GRIA2: variants seen among roughly 807,000 people sequenced by gnomAD.
The protein encoded by GRIA2 is glutamate receptor 2.
Under a neutral mutation model 97.3 loss-of-function variants are expected in GRIA2, and 14 were observed. That is an observed-to-expected ratio of 0.14 (90% confidence interval 0.10 to 0.23). The LOEUF (loss-of-function observed/expected upper bound fraction) is 0.23, where lower values mean the gene tolerates loss of function less well. GRIA2 is among the 10% of genes least tolerant of loss of function. GRIA2 has a pLI of 1.00. For missense variants in GRIA2, 558 were observed against 1,069.8 expected (o/e 0.52, Z 6.67); for synonymous variants, 412 against 387.8 (o/e 1.06, Z -0.73).
intron 6 of GRIA2, among the ~76,000 whole-genome samples, chr4:157,322,810 A>G (rs1734634953): frequency 1.3e-5 from 2 of 152,182 alleles, no homozygotes; most frequent in South Asian, 2.1e-4. Flanking sequence ...TCACAGTTGT[A>G]CCTGAGTATG....
intron 2 of GRIA2, among the ~76,000 whole-genome samples, chr4:157,244,877 T>C (rs1395311668): frequency 6.6e-6 from 1 of 152,040 alleles, no homozygotes; most frequent in East Asian, 1.9e-4. Context: ...GAGGCCTTCC[T>C]GTAGCTATGT....
At chr4:157,224,463 C>T (rs929165068) in intron 2 of GRIA2, among the ~76,000 whole-genome samples, 1 of 151,992 alleles carries the variant, frequency 6.6e-6, no homozygotes, top group Non-Finnish European at 1.5e-5. Context: ...TTTGTGACTC[C>T]GTTTTTTTAT....
chr4:157,246,257 G>A (rs555732425), intron 2 of GRIA2, among the ~76,000 whole-genome samples: 205 of 152,114 alleles, frequency 1.3e-3, no homozygotes, highest in African/African-American at 4.7e-3. Context: ...TATTGGACAG[G>A]CTAGTTAATT....
intron 2 of GRIA2, among the ~76,000 whole-genome samples, chr4:157,263,621 G>C (rs1044801901): frequency 6.6e-6 from 1 of 151,956 alleles, no homozygotes; most frequent in Non-Finnish European, 1.5e-5. Flanking sequence ...TTAAAGGATC[G>C]TTTACAGGTG....
At chr4:157,305,025 A>G (rs1733780469) in intron 3 of GRIA2, among the ~76,000 whole-genome samples, 1 of 152,202 alleles carries the variant, frequency 6.6e-6, no homozygotes, top group South Asian at 2.1e-4. Context: ...TGCTATTCCC[A>G]TAGGGAATTA....
chr4:157,322,831 ATGT>A (rs1271064445), intron 6 of GRIA2, among the ~76,000 whole-genome samples: 1 of 152,124 alleles, frequency 6.6e-6, no homozygotes, highest in African/African-American at 2.4e-5. Flanking sequence ...CATCATAGAG[ATGT>A]TGTTTGATGC....
chr4:157,321,614 C>A lies in GRIA2; in HGVS notation c.882+15C>A. 1 of 1,581,886 alleles carries A rather than the reference C, an allele frequency of 6.3e-7. No individual in the cohort carries two copies. Among genetic ancestry groups the A allele is most frequent in the South Asian group, 1.1e-5 (1 of 87,070 alleles). On this transcript the variant is annotated intron_variant, in intron 6 of 15. Transcript: ENST00000264426. ...CAACAATTAAGGTTTGCTTTGGTTTCTGTCTTTTCTTTTTCTTTCATATGT... is the reference window on the plus strand; with the variant it reads ...CAACAATTAAGGTTTGCTTTGGTTTATGTCTTTTCTTTTTCTTTCATATGT...
At chr4:157,297,017 C>T (rs552798087) in intron 2 of GRIA2, among the ~76,000 whole-genome samples, 2 of 152,282 alleles carry the variant, frequency 1.3e-5, no homozygotes, top group South Asian at 2.1e-4. Flanking sequence ...AAATGCTATA[C>T]GTGCTCTTCT....
chr4:157,283,144 A>G (rs1247373274), intron 2 of GRIA2, among the ~76,000 whole-genome samples: 3 of 152,082 alleles, frequency 2.0e-5, no homozygotes, highest in African/African-American at 7.2e-5. Flanking sequence ...TTTTCCATAT[A>G]TAAAAGCTTT....
At position 157,361,137 on chromosome 4, in the gene GRIA2, G is replaced by A. The variant is rs1176537989; in HGVS notation, c.2406+13G>A. On this transcript the variant is annotated intron_variant, in intron 14 of 15. Transcript: ENST00000264426. The surrounding 1 kb of genome is among the most constrained non-coding windows in gnomAD (Gnocchi z 5.2). ...AGGTGATTCCAAGGTCAGCCCCAGT[G>A]AGAAAAGTAATGGGTAACTCAATGC... The A allele has an allele frequency of 1.3e-6, 2 of 1,570,986 alleles. No individual in the cohort carries two copies. Among genetic ancestry groups the A allele is most frequent in the South Asian group, 2.2e-5 (2 of 90,196 alleles).
rs554588273 is a variant in GRIA2, at chr4:157,228,563, C to T, written c.229+6756C>T. 2.5e-3 allele frequency among the ~76,000 whole-genome samples: 374 copies of T among 152,062 alleles called. 4 individuals are homozygous for T. The highest frequency in any genetic ancestry group is 8.4e-3 in the African/African-American group (348 of 41,490). On this transcript the variant is annotated intron_variant, in intron 2 of 15. Transcript: ENST00000264426. ...ATCCCAGCACTTTGGGTGGCCGAGG[C>T]GGGTGGATCACCTGAGGTCAGGAGT...
intron 4 of GRIA2, among the ~76,000 whole-genome samples, chr4:157,315,318 G>T (rs2126891385): frequency 6.7e-6 from 1 of 150,284 alleles, no homozygotes; most frequent in African/African-American, 2.4e-5. Context: ...AATTAATTTA[G>T]ATTGGGATAT....
intron 2 of GRIA2, among the ~76,000 whole-genome samples, chr4:157,247,436 T>C (rs1730781533): frequency 6.6e-6 from 1 of 152,100 alleles, no homozygotes; most frequent in Admixed American, 6.6e-5. Flanking sequence ...GACTCTTCAA[T>C]TGGTAAGGTG....
chr4:157,330,112 A>G (rs1734983113), intron 6 of GRIA2, among the ~76,000 whole-genome samples: 1 of 151,950 alleles, frequency 6.6e-6, no homozygotes, highest in Non-Finnish European at 1.5e-5. Flanking sequence ...ATTTTTCCCT[A>G]CCTTCCTTTT....
intron 2 of GRIA2, among the ~76,000 whole-genome samples, chr4:157,222,901 G>C (rs2126672543): frequency 6.6e-6 from 1 of 152,262 alleles, no homozygotes; most frequent in Non-Finnish European, 1.5e-5. Context: ...AGGCAGTCGC[G>C]GCCACTGTGC....
chr4:157,253,578 G>A (rs933416730), intron 2 of GRIA2, among the ~76,000 whole-genome samples: 1 of 151,704 alleles, frequency 6.6e-6, no homozygotes, highest in African/African-American at 2.4e-5. Flanking sequence ...CTACTGGTGG[G>A]GTTTCAAAAA....
rs1439523412 is a variant in GRIA2 at position 157,361,398 on chromosome 4, G to C, written c.2406+274G>C. ...CCAGCGATACATTAATGCTCATTTG[G>C]CTCTGCAAATCTTACCGTTTGCTTA... is the stretch of plus-strand genomic sequence containing the variant. On this transcript the variant is annotated intron_variant, in intron 14 of 15. Coordinates refer to ENST00000264426, the MANE Select transcript of GRIA2 (RefSeq NM_001083619.3). The surrounding 1 kb of genome is among the most constrained non-coding windows in gnomAD (Gnocchi z 5.2). 1.9e-5 allele frequency: 13 copies of C among 701,306 alleles called. No individual in the cohort carries two copies. Among genetic ancestry groups the C allele is most frequent in the Non-Finnish European group, 2.7e-5 (11 of 412,408 alleles). 43.4% of individuals were successfully genotyped at this position (701,306 alleles called of 1,614,324 possible). A position where few individuals can be genotyped will look rare whatever the true frequency, so the allele number is the denominator to read the frequency against.
chr4:157,230,714 C>A (rs1031168117), intron 2 of GRIA2, among the ~76,000 whole-genome samples: 4 of 151,734 alleles, frequency 2.6e-5, no homozygotes, highest in African/African-American at 9.7e-5. Context: ...CTATATTAAC[C>A]TTGAGCTACT....
chr4:157,280,294 G>A (rs977889316), intron 2 of GRIA2, among the ~76,000 whole-genome samples: 5 of 152,086 alleles, frequency 3.3e-5, no homozygotes, highest in African/African-American at 1.2e-4. Context: ...AGAGTCACAG[G>A]AAAAGTGAGC....
Sources: gnomAD v4.1 joint callset for allele counts (sites outside exome capture counted in the v4.1 genomes callset) on GRCh38, gnomAD v4.1.1 for gene constraint, Gnocchi (gnomAD v3.1) non-coding constraint, MANE v1.5 for transcripts, NCBI Gene and HGNC (gene_info 2026-07-23, HGNC 2026-07-21) for gene names.